SECISBP2: variants seen among roughly 807,000 people sequenced by gnomAD.
SECISBP2 encodes selenocysteine insertion sequence-binding protein 2.
Under a neutral mutation model 98.2 loss-of-function variants are expected in SECISBP2, and 96 were observed. The observed-to-expected ratio is 0.98, with a 90% CI of 0.83 to 1.16. The LOEUF (loss-of-function observed/expected upper bound fraction) is 1.16. SECISBP2 is among the 50% of genes most tolerant of loss of function. The pLI, the probability that SECISBP2 is intolerant of heterozygous loss-of-function variation, is 0.00. For missense variants in SECISBP2, 1,046 were observed against 1,022.9 expected (o/e 1.02, Z -0.31); for synonymous variants, 407 against 370.2 (o/e 1.10, Z -1.14).
chr9:89,325,877 C>CT lies in SECISBP2; in HGVS notation c.433-15dup. On this transcript the variant is annotated intron_variant, in intron 3 of 16. Coordinates refer to ENST00000375807, the MANE Select transcript of SECISBP2 (RefSeq NM_024077.5). ...ATAGTGGTGGTTTTATTTCATGTTG[C>CT]TTTTTAATCTTTCCTGCAGAAGAAA... 1 of 1,613,116 alleles carries CT rather than the reference C, an allele frequency of 6.2e-7. No individual in the cohort carries two copies. The highest frequency in any genetic ancestry group is 8.5e-7 in the Non-Finnish European group (1 of 1,179,896).
At chr9:89,347,155 T>A in intron 11 of SECISBP2, 107 bp downstream of exon 11, 1 of 1,134,260 alleles carries the variant, frequency 8.8e-7, no homozygotes, top group Admixed American at 2.0e-5. Flanking sequence ...CTTGTATTAC[T>A]TGAATATGTT....
At chr9:89,321,646 A>G (rs1825823673) in intron 2 of SECISBP2, among the ~76,000 whole-genome samples, 1 of 152,028 alleles carries the variant, frequency 6.6e-6, no homozygotes, top group South Asian at 2.1e-4. Context: ...AGCCTGGGCA[A>G]CAGAACAAGA....
At position 89,359,155 on chromosome 9, in the gene SECISBP2, A is replaced by T. The variant is rs1832549342; in HGVS notation, c.*331A>T. The T allele has an allele frequency of 2.8e-6, 1 of 350,920 alleles. No individual in the cohort carries two copies. Among genetic ancestry groups the T allele is most frequent in the Non-Finnish European group, 5.5e-6 (1 of 182,156 alleles). The allele number at this position is 350,920 out of a possible 1,614,324, so 21.7% of individuals were successfully genotyped here. ...TAAGGAAACTTCCTCTCCATTGCAG[A>T]ATAGCTGAGCCAAGTGAGTGAGTTT... On this transcript the variant is annotated 3_prime_UTR_variant, in exon 17 of 17. Transcript: ENST00000375807.
chr9:89,355,048 A>G, intron 14 of SECISBP2: 3 of 985,394 alleles, frequency 3.0e-6, no homozygotes, highest in Non-Finnish European at 3.6e-6. Context: ...CTTTGGGTAG[A>G]TCAGGGGCAG....
chr9:89,355,025 C>G (rs1297119697), intron 14 of SECISBP2: 2 of 985,288 alleles, frequency 2.0e-6, no homozygotes, highest in African/African-American at 3.5e-5. Context: ...GCCTCCTCAT[C>G]ACTTTGCAAA....
intron 10 of SECISBP2, among the ~76,000 whole-genome samples, chr9:89,342,350 G>A (rs1241480982): frequency 1.3e-5 from 2 of 150,850 alleles, no homozygotes; most frequent in East Asian, 3.9e-4. Context: ...GTAAAATGGT[G>A]CAGCCATTGT....
chr9:89,334,129 C>T, intron 6 of SECISBP2: 1 of 1,140,146 alleles, frequency 8.8e-7, no homozygotes, highest in Non-Finnish European at 1.1e-6. Flanking sequence ...TGATCTTTGA[C>T]TTCTGATGTT....
At chr9:89,327,697 C>T (rs1464677807) in intron 4 of SECISBP2, among the ~76,000 whole-genome samples, 1 of 152,182 alleles carries the variant, frequency 6.6e-6, no homozygotes, top group Non-Finnish European at 1.5e-5. Context: ...TCTTCAGGGA[C>T]AGTAACATGC....
intron 5 of SECISBP2, among the ~76,000 whole-genome samples, chr9:89,330,799 C>T (rs1827624455): frequency 6.6e-6 from 1 of 152,242 alleles, no homozygotes; most frequent in African/African-American, 2.4e-5. Flanking sequence ...GTACCGCTCT[C>T]ATGAGTGCCC....
At position 89,358,102 on chromosome 9, in the gene SECISBP2, A is replaced by T. The variant is rs184569387; in HGVS notation, c.2372A>T (p.Gln791Leu). The T allele has an allele frequency of 7.4e-6, 12 of 1,613,824 alleles. No individual in the cohort carries two copies. The highest frequency in any genetic ancestry group is 1.0e-5 in the Non-Finnish European group (12 of 1,179,962). ...GAGCTGGTGGGAGAGCCCAGGCCTC[A>T]GGCACCTCCCAGCCTACCCACACAG... ...QQELVGEPRP[Q>L]APPSLPTQGP... is the part of the protein sequence containing the mutation. The change falls in exon 16 of 17, where the codon CAG (glutamine) becomes CTG (leucine). Residue 791 changes from glutamine to leucine, a missense_variant. Coordinates refer to ENST00000375807, the MANE Select transcript of SECISBP2 (RefSeq NM_024077.5).
intron 6 of SECISBP2, among the ~76,000 whole-genome samples, chr9:89,333,311 C>G (rs1167489316): frequency 1.3e-5 from 2 of 152,222 alleles, no homozygotes; most frequent in Non-Finnish European, 2.9e-5. Flanking sequence ...TTGAGAACCC[C>G]AAAGAGCTCT....
At chr9:89,327,433 ACT>A (rs769245302) in intron 4 of SECISBP2, among the ~76,000 whole-genome samples, 13 of 152,114 alleles carry the variant, frequency 8.5e-5, no homozygotes, top group Non-Finnish European at 1.8e-4. Context: ...TAACTTTCTG[ACT>A]CTTGTAATAA....
Position 89,325,564 on chromosome 9 carries a change from C to T in SECISBP2, c.320C>T (p.Pro107Leu), listed in dbSNP as rs1036691762. 7 of 1,614,176 alleles carry T rather than the reference C, an allele frequency of 4.3e-6. No homozygotes were observed. Among genetic ancestry groups the T allele is most frequent in the Non-Finnish European group, 5.9e-6 (7 of 1,180,022 alleles). Residue 107 changes from proline (P) to leucine (L), a missense_variant, in exon 3 of 17, where the codon CCT becomes CTT. By Grantham distance (98) the Pro-to-Leu change is moderately conservative. Coordinates refer to ENST00000375807, the MANE Select transcript of SECISBP2 (RefSeq NM_024077.5). ...LDSTQNVYSV[P>L]GSQYLYNQPS... ...TCCACACAGAATGTTTACTCAGTGC[C>T]TGGCTCCCAGTATCTTTATAACCAA... is the stretch of plus-strand genomic sequence containing the variant.
At chr9:89,363,723 G>T (rs761289384), downstream of SECISBP2, 21 of 1,608,510 alleles carry the variant, frequency 1.3e-5, no homozygotes, top group Non-Finnish European at 1.8e-5. Flanking sequence ...GGTAACAGTG[G>T]GCATGGGAAT....
At position 89,350,520 on chromosome 9, in the gene SECISBP2, C is replaced by T. The variant is rs370121492; in HGVS notation, c.1893-112C>T. 9 of 927,274 alleles carry T rather than the reference C, an allele frequency of 9.7e-6. 1 individual carries two copies. The highest frequency in any genetic ancestry group is 6.5e-5 in the South Asian group (5 of 76,760). The allele number at this position is 927,274 out of a possible 1,614,324, so 57.4% of individuals were successfully genotyped here. A position where few individuals can be genotyped will look rare whatever the true frequency, so the allele number is the denominator to read the frequency against. ...TTCTGGTTAGTAGTACTTGTTGAAA[C>T]GTGACTTTTTGTCTGATGCAGTCTA... On this transcript the variant is annotated intron_variant, in intron 13 of 16. Transcript: ENST00000375807.
chr9:89,343,792 C>T (rs936286199), intron 10 of SECISBP2, among the ~76,000 whole-genome samples: 6 of 152,156 alleles, frequency 3.9e-5, no homozygotes, highest in African/African-American at 1.2e-4. Context: ...AATAGTACTG[C>T]GGTGAACATT....
intron 4 of SECISBP2, among the ~76,000 whole-genome samples, chr9:89,328,344 C>CT (rs1342644082): frequency 6.6e-6 from 1 of 152,190 alleles, no homozygotes; most frequent in Non-Finnish European, 1.5e-5. Context: ...TCATTACAAT[C>CT]TTATGGGGCT....
chr9:89,340,639 C>G (rs1469556277), intron 9 of SECISBP2, among the ~76,000 whole-genome samples: 2 of 152,264 alleles, frequency 1.3e-5, no homozygotes, highest in South Asian at 2.1e-4. Context: ...CTTGCCTGTC[C>G]TTTGTTGCAC....
Position 89,318,526 on chromosome 9 carries a change from C to G in SECISBP2, c.-51C>G, listed in dbSNP as rs1239018912. 2.6e-6 allele frequency: 4 copies of G among 1,510,086 alleles called. No individual in the cohort carries two copies. The highest frequency in any genetic ancestry group is 1.2e-5 in the South Asian group (1 of 82,354). The allele number at this position is 1,510,086 out of a possible 1,614,324, so 93.5% of individuals were successfully genotyped here. ...GAAACGCTTTGTCTGTCCGGCAAGC[C>G]GACGGCCCGCTGCTGGCCTCCGTGA... On this transcript the variant is annotated 5_prime_UTR_variant, in exon 1 of 17. Transcript: ENST00000375807.
Sources: gnomAD v4.1 joint callset for allele counts (sites outside exome capture counted in the v4.1 genomes callset) on GRCh38, gnomAD v4.1.1 for gene constraint, MANE v1.5 for transcripts, NCBI Gene and HGNC (gene_info 2026-07-23, HGNC 2026-07-21) for gene names.